BCOR: variants seen among roughly 807,000 people sequenced by gnomAD.
The protein encoded by BCOR is BCL-6 corepressor.
In BCOR, 10 loss-of-function variants were observed where a neutral mutation model predicts 86.7. That is an observed-to-expected ratio of 0.12 (90% CI 0.07 to 0.20). BCOR has a LOEUF of 0.20. Among genes scored for constraint, BCOR ranks in the 10% least tolerant of loss-of-function variants. The probability of loss-of-function intolerance (pLI) is 1.00; values close to 1 mark genes in which losing one functional copy is unlikely to be tolerated. For missense variants in BCOR, 1,259 were observed against 1,452.1 expected (o/e 0.87, Z 2.16); for synonymous variants, 611 against 609.0 (o/e 1.00, Z -0.05).
intron 1 of BCOR, among the ~76,000 whole-genome samples, chrX:40,168,501 G>A (rs1938551121): frequency 8.8e-6 from 1 of 113,167 alleles, no homozygotes; most frequent in South Asian, 3.6e-4. Context: ...TACGTGGAGG[G>A]TCTCCCAGTC....
intron 1 of BCOR, among the ~76,000 whole-genome samples, chrX:40,169,524 TTTTG>T (rs767903292): frequency 1.8e-5 from 2 of 111,441 alleles, no homozygotes; most frequent in Non-Finnish European, 3.8e-5. Context: ...TTTGTGTGGC[TTTTG>T]TTTCTCTTTC....
chrX:40,134,111 C>T (rs1017136318), intron 1 of BCOR, among the ~76,000 whole-genome samples: 11 of 106,400 alleles, frequency 1.0e-4, no homozygotes, highest in Admixed American at 3.1e-4. Flanking sequence ...TCACTCCAGG[C>T]AGGGGGCTCA....
intron 6 of BCOR, 46 bp from the exon 7 acceptor site, chrX:40,064,645 C>T (rs778156954): frequency 5.0e-6 from 6 of 1,199,672 alleles, no homozygotes; most frequent in Admixed American, 4.3e-5. Context: ...CCGAAGGTCG[C>T]CATGAGAAGG....
chrX:40,065,552 C>T (rs1935158192), intron 6 of BCOR, among the ~76,000 whole-genome samples: 2 of 112,585 alleles, frequency 1.8e-5, no homozygotes, highest in South Asian at 3.6e-4. Context: ...CGGCCTATCA[C>T]GGGCCTTGGG....
At chrX:40,149,148 C>CCTCTG (rs2147983433) in intron 1 of BCOR, among the ~76,000 whole-genome samples, 1 of 108,685 alleles carries the variant, frequency 9.2e-6, no homozygotes, top group Non-Finnish European at 1.9e-5. Context: ...GATCTCGTAT[C>CCTCTG]CTCTGCTCTG....
intron 1 of BCOR, among the ~76,000 whole-genome samples, chrX:40,143,682 C>G (rs975310048): frequency 3.5e-5 from 4 of 112,989 alleles, no homozygotes; most frequent in Non-Finnish European, 7.5e-5. Context: ...TTTGGCCAGG[C>G]GTGGTGGCTC....
intron 1 of BCOR, among the ~76,000 whole-genome samples, chrX:40,175,504 C>G (rs191760204): frequency 8.8e-6 from 1 of 113,481 alleles, no homozygotes; most frequent in East Asian, 2.8e-4. Context: ...AGGTGAAGGC[C>G]CACCCCGATT....
chrX:40,073,965 T>A lies in BCOR; in HGVS notation c.1381A>T (p.Met461Leu). 1 of 1,212,360 alleles carries A rather than the reference T, an allele frequency of 8.2e-7. No individual in the cohort carries two copies. Among genetic ancestry groups the A allele is most frequent in the Admixed American group, 2.2e-5 (1 of 46,156 alleles). Residue 461 changes from methionine (M) to leucine (L), a missense_variant, in exon 4 of 15, where the codon ATG (methionine) becomes TTG (leucine). Physicochemically the swap from Met to Leu is conservative, Grantham distance 15. Coordinates refer to ENST00000378444, the MANE Select transcript of BCOR (RefSeq NM_001123385.2). The stretch of plus-strand genomic sequence containing the variant: ...CTGTGAACCAGGACCGTGGGAGCCA[T>A]CTTTTTCATGTGGTCAGCTTTGGAA... Reference protein sequence around the residue: ...DASKADHMKKMAPTVLVHSRA... With the variant: ...DASKADHMKKLAPTVLVHSRA...
chrX:40,151,516 G>A (rs373606028), intron 1 of BCOR, among the ~76,000 whole-genome samples: 1 of 112,565 alleles, frequency 8.9e-6, no homozygotes, highest in Non-Finnish European at 1.9e-5. Context: ...GTTCCGATAA[G>A]GCTTTACCTC....
upstream of BCOR, among the ~76,000 whole-genome samples, chrX:40,098,395 C>G (rs1936994639): frequency 9.1e-6 from 1 of 110,199 alleles, no homozygotes; most frequent in Non-Finnish European, 1.9e-5. Flanking sequence ...CCCGGGCGCA[C>G]GTCCTGGGCG....
upstream of BCOR, among the ~76,000 whole-genome samples, chrX:40,100,524 A>G (rs1377288654): frequency 1.8e-5 from 2 of 111,495 alleles, no homozygotes; most frequent in African/African-American, 6.5e-5. Flanking sequence ...AGCCTCTCAG[A>G]GTCTTACGGC....
chrX:40,122,198 T>C (rs1421862793), intron 1 of BCOR, among the ~76,000 whole-genome samples: 1 of 111,357 alleles, frequency 9.0e-6, no homozygotes, highest in African/African-American at 3.3e-5. Context: ...CATGTCCACT[T>C]TGCCAGGGGT....
At chrX:40,128,044 G>A (rs1937565312) in intron 1 of BCOR, among the ~76,000 whole-genome samples, 1 of 107,751 alleles carries the variant, frequency 9.3e-6, no homozygotes, top group Non-Finnish European at 1.9e-5. Context: ...GGCCAATATG[G>A]TGAAACCCCA....
intron 1 of BCOR, among the ~76,000 whole-genome samples, chrX:40,163,695 C>T (rs887104358): frequency 9.3e-6 from 1 of 107,952 alleles, no homozygotes; most frequent in Non-Finnish European, 1.9e-5. Flanking sequence ...ACAATCGCAA[C>T]CAATGAATAT....
chrX:40,074,680 T>C lies in BCOR; in HGVS notation c.666A>G (p.Leu222=), dbSNP rs1168098751. Reference sequence around the variant, plus strand: ...GGGCCAAGCTGTAGGACTGCTGAGGTAGCAAGGCCTTGTACATGTTCAGTG... The same window carrying C: ...GGGCCAAGCTGTAGGACTGCTGAGGCAGCAAGGCCTTGTACATGTTCAGTG... ...KYSLNMYKAL[L]PQQSYSLAQP... is the part of the protein sequence containing the mutation. The change falls in exon 4 of 15, where the codon CTA becomes CTG. Residue 222 remains leucine (L), a synonymous_variant. Coordinates refer to ENST00000378444, the MANE Select transcript of BCOR (RefSeq NM_001123385.2). The C allele has an allele frequency of 8.3e-7, 1 of 1,211,306 alleles. No individual in the cohort carries two copies. Among genetic ancestry groups the C allele is most frequent in the Admixed American group, 2.2e-5 (1 of 46,041 alleles).
intron 1 of BCOR, among the ~76,000 whole-genome samples, chrX:40,173,372 A>G (rs967922746): frequency 8.9e-6 from 1 of 112,289 alleles, no homozygotes; most frequent in Non-Finnish European, 1.9e-5. Flanking sequence ...TCCATACATA[A>G]GGTGCTTAGA....
chrX:40,143,176 T>G (rs1298550156), intron 1 of BCOR, among the ~76,000 whole-genome samples: 1 of 111,563 alleles, frequency 9.0e-6, no homozygotes, highest in Non-Finnish European at 1.9e-5. Context: ...TATGGACCAG[T>G]TTAACATGGC....
intron 6 of BCOR, among the ~76,000 whole-genome samples, chrX:40,066,867 G>C (rs760763409): frequency 9.3e-6 from 1 of 107,309 alleles, no homozygotes; most frequent in East Asian, 3.0e-4. Context: ...AGCTTAGCCA[G>C]TGTGGGGCCC....
chrX:40,093,215 G>A (rs763436958), intron 1 of BCOR, among the ~76,000 whole-genome samples: 1 of 112,025 alleles, frequency 8.9e-6, no homozygotes, highest in Non-Finnish European at 1.9e-5. Context: ...TTTGGGCAAC[G>A]GAGCCCAAGT....
Sources: gnomAD v4.1 joint callset for allele counts (sites outside exome capture counted in the v4.1 genomes callset) on GRCh38, gnomAD v4.1.1 for gene constraint, MANE v1.5 for transcripts, NCBI Gene and HGNC (gene_info 2026-07-23, HGNC 2026-07-21) for gene names.